The following SASH1 variants were observed in gnomAD, a reference collection of about 807,000 sequenced individuals.
SASH1 encodes SAM and SH3 domain-containing protein 1.
Under a neutral mutation model 125.2 loss-of-function variants are expected in SASH1, and 44 were observed. The ratio of observed to expected loss-of-function variants is 0.35; its 90% confidence interval spans 0.28 to 0.45. SASH1 has a LOEUF of 0.45. Ranked by LOEUF, SASH1 falls within the 20% of genes least tolerant of loss-of-function variation. The pLI, the probability that SASH1 is intolerant of heterozygous loss-of-function variation, is 1.00. For missense variants in SASH1, 1,426 were observed against 1,614.5 expected (o/e 0.88, Z 2.00); for synonymous variants, 639 against 649.1 (o/e 0.98, Z 0.24).
chr6:148,406,442 C>T (rs2114889142), intron 2 of SASH1, among the ~76,000 whole-genome samples: 1 of 152,308 alleles, frequency 6.6e-6, no homozygotes, highest in Middle Eastern at 3.4e-3. Context: ...ATACAGATTC[C>T]TACTTGCCAG....
At chr6:148,516,857 C>A (rs1378622009) in intron 9 of SASH1, among the ~76,000 whole-genome samples, 4 of 152,112 alleles carry the variant, frequency 2.6e-5, no homozygotes, top group African/African-American at 9.7e-5. Flanking sequence ...CCTGTCTCCC[C>A]CACCAGCTCT....
intron 1 of SASH1, among the ~76,000 whole-genome samples, chr6:148,282,807 G>A (rs543439274): frequency 6.6e-6 from 1 of 152,214 alleles, no homozygotes; most frequent in South Asian, 2.1e-4. Context: ...TACAGTGTTA[G>A]GTTCTTTTAT....
intron 1 of SASH1, among the ~76,000 whole-genome samples, chr6:148,382,700 G>A (rs189253860): frequency 1.3e-3 from 201 of 152,254 alleles, no homozygotes; most frequent in African/African-American, 4.5e-3. Flanking sequence ...CTGGGAGGCC[G>A]TTTATTCTTC....
chr6:148,517,833 TG>T (rs1424565395), intron 9 of SASH1, among the ~76,000 whole-genome samples: 39 of 152,284 alleles, frequency 2.6e-4, no homozygotes, highest in Middle Eastern at 3.4e-3. Context: ...AACTGCTGAG[TG>T]ACAGATCCTT....
chr6:148,262,156 T>A, the SASH1 span, among the ~76,000 whole-genome samples: 2 of 152,144 alleles, frequency 1.3e-5, no homozygotes, highest in East Asian at 3.9e-4. Context: ...GTCTTATTCA[T>A]GTCTTTTCAC....
At chr6:148,308,417 T>C (rs2495939) in intron 1 of SASH1, among the ~76,000 whole-genome samples, 120,288 of 147,828 alleles carry the variant, frequency 0.81, 49,136 homozygotes, top group Middle Eastern at 0.88. Flanking sequence ...TTTTTTGAGA[T>C]GGAGTTTCAC....
intron 2 of SASH1, among the ~76,000 whole-genome samples, chr6:148,435,152 G>T (rs1177313782): frequency 6.6e-6 from 1 of 152,056 alleles, no homozygotes; most frequent in Non-Finnish European, 1.5e-5. Context: ...CCCGAGGTCG[G>T]AAGTTGGAGA....
intron 1 of SASH1, among the ~76,000 whole-genome samples, chr6:148,387,564 T>TTCTCTTTC (rs1783439862): frequency 2.1e-5 from 3 of 142,272 alleles, no homozygotes; most frequent in Non-Finnish European, 3.1e-5. Context: ...TTTCTTTCTT[T>TTCTCTTTC]TCTCTTTCTT....
chr6:148,299,268 G>A (rs549741526), intron 1 of SASH1, among the ~76,000 whole-genome samples: 8 of 151,810 alleles, frequency 5.3e-5, no homozygotes, highest in African/African-American at 9.7e-5. Context: ...ATAGGGGAGC[G>A]GACACTCTAA....
chr6:148,331,565 G>A (rs558093293), intron 1 of SASH1, among the ~76,000 whole-genome samples: 5 of 151,926 alleles, frequency 3.3e-5, no homozygotes, highest in Admixed American at 2.0e-4. Flanking sequence ...TCCTGACCTC[G>A]TGATCCGCCC....
At chr6:148,278,805 G>A (rs1233291851) in intron 1 of SASH1, 6 of 152,220 alleles carry the variant, frequency 3.9e-5, no homozygotes, top group African/African-American at 1.4e-4. Flanking sequence ...AAATCTGCAA[G>A]TGCAATAAAT....
chr6:148,251,423 G>A, the SASH1 span, among the ~76,000 whole-genome samples: 1 of 152,136 alleles, frequency 6.6e-6, no homozygotes, highest in Non-Finnish European at 1.5e-5. Flanking sequence ...ACAGTTTCTA[G>A]ATTCTTGCTC....
intron 2 of SASH1, among the ~76,000 whole-genome samples, chr6:148,397,174 A>G (rs752545812): frequency 1.1e-4 from 17 of 152,106 alleles, no homozygotes; most frequent in Non-Finnish European, 2.2e-4. Flanking sequence ...CTTCATGATT[A>G]CTATGTTTTT....
the SASH1 span, among the ~76,000 whole-genome samples, chr6:148,193,748 TA>T: frequency 1.3e-5 from 2 of 152,246 alleles, no homozygotes; most frequent in African/African-American, 4.8e-5. Context: ...CTTATTACTT[TA>T]AGTGAAACGT....
intron 4 of SASH1, among the ~76,000 whole-genome samples, chr6:148,464,585 C>T (rs1482270171): frequency 6.6e-6 from 1 of 152,100 alleles, no homozygotes; most frequent in Non-Finnish European, 1.5e-5. Context: ...AGTAAATGAC[C>T]CCTTCCACCT....
At chr6:148,505,782 CATGT>C (rs1779767202) in intron 8 of SASH1, among the ~76,000 whole-genome samples, 1 of 152,008 alleles carries the variant, frequency 6.6e-6, no homozygotes, top group Non-Finnish European at 1.5e-5. Context: ...GGATTACAGG[CATGT>C]GCCACCACAC....
rs532071029 is a variant in SASH1 at position 148,529,902 on chromosome 6, G to A, written c.1429-1624G>A. Among the ~76,000 whole-genome samples, 116 of 152,160 alleles carry A rather than the reference G, an allele frequency of 7.6e-4. No individual in the cohort carries two copies. Among genetic ancestry groups the A allele is most frequent in the Middle Eastern group, 3.4e-3 (1 of 294 alleles). On this transcript the variant is annotated intron_variant, in intron 12 of 19. Transcript: ENST00000367467. This position sits in a 1 kb window ranked among gnomAD's most constrained non-coding sequence, Gnocchi z 4.2. ...GCTTACTGCAACCTCTGCCTCCTGGGTTCAAGCGATTCTCCCACCTCAGCC... is the reference window on the plus strand; with the variant it reads ...GCTTACTGCAACCTCTGCCTCCTGGATTCAAGCGATTCTCCCACCTCAGCC...
chr6:148,536,338 T>C (rs1332543236), intron 16 of SASH1, among the ~76,000 whole-genome samples: 1 of 152,092 alleles, frequency 6.6e-6, no homozygotes, highest in Non-Finnish European at 1.5e-5. Context: ...TTTGTTTTGT[T>C]TTATTTTGTT....
At chr6:148,542,590 T>C (rs746467976) in intron 17 of SASH1, among the ~76,000 whole-genome samples, 2 of 152,188 alleles carry the variant, frequency 1.3e-5, no homozygotes, top group Non-Finnish European at 2.9e-5. Flanking sequence ...GGTTTCACCG[T>C]GTTAGCCAGG....
Sources: gnomAD v4.1 joint callset for allele counts (sites outside exome capture counted in the v4.1 genomes callset) on GRCh38, gnomAD v4.1.1 for gene constraint, Gnocchi (gnomAD v3.1) non-coding constraint, MANE v1.5 for transcripts, NCBI Gene and HGNC (gene_info 2026-07-23, HGNC 2026-07-21) for gene names.